The following MICU2 variants were observed in gnomAD, a reference collection of about 807,000 sequenced individuals.
MICU2 encodes the protein mitochondrial calcium uptake 2.
MICU2 carries 64 observed loss-of-function variants against 60.4 expected under a neutral mutation model. That is an observed-to-expected ratio of 1.06 (90% CI 0.87 to 1.31). The LOEUF (loss-of-function observed/expected upper bound fraction) is 1.31, where lower values mean the gene tolerates loss of function less well. Among genes scored for constraint, MICU2 ranks in the 50% most tolerant of loss-of-function variants. The pLI is 0.00. For missense variants in MICU2, 569 were observed against 531.0 expected (o/e 1.07, Z -0.70); for synonymous variants, 201 against 175.0 (o/e 1.15, Z -1.17).
chr13:21,515,015 GTCCTT>G (rs1464875268), intron 6 of MICU2, among the ~76,000 whole-genome samples: 11 of 151,832 alleles, frequency 7.2e-5, no homozygotes, highest in African/African-American at 2.7e-4. Context: ...AGATTATGCT[GTCCTT>G]TCAAGATAAT....
intron 2 of MICU2, among the ~76,000 whole-genome samples, chr13:21,542,443 G>C (rs908292581): frequency 1.3e-5 from 2 of 152,056 alleles, no homozygotes; most frequent in Admixed American, 1.3e-4. Flanking sequence ...ATGTAGGGTA[G>C]GGGGACACTC....
At chr13:21,593,697 G>C (rs1307943168) in intron 1 of MICU2, among the ~76,000 whole-genome samples, 1 of 151,716 alleles carries the variant, frequency 6.6e-6, no homozygotes, top group Non-Finnish European at 1.5e-5. Flanking sequence ...TAGACCAATG[G>C]AGCAGAACAG....
At chr13:21,515,083 TA>T (rs1207779613) in intron 6 of MICU2, among the ~76,000 whole-genome samples, 3 of 62,604 alleles carry the variant, frequency 4.8e-5, no homozygotes, top group African/African-American at 1.5e-4. Context: ...TTCAAGTATA[TA>T]GTTTTTTTTT....
intron 1 of MICU2, among the ~76,000 whole-genome samples, chr13:21,574,334 A>C (rs1455424596): frequency 6.6e-6 from 1 of 152,224 alleles, no homozygotes; most frequent in East Asian, 1.9e-4. Context: ...TATACTGAAC[A>C]CATGAGAACC....
At chr13:21,580,964 C>T (rs1042149579) in intron 1 of MICU2, among the ~76,000 whole-genome samples, 1 of 152,038 alleles carries the variant, frequency 6.6e-6, no homozygotes, top group African/African-American at 2.4e-5. Context: ...AGAGAATGTA[C>T]AGAGTCAGAA....
At position 21,572,358 on chromosome 13, in the gene MICU2, T is replaced by C. The variant is rs77076428; in HGVS notation, c.211-5414A>G. Among the ~76,000 whole-genome samples, 853 of 152,324 alleles carry C rather than the reference T, an allele frequency of 5.6e-3. 3 individuals are homozygous for C. Among genetic ancestry groups the C allele is most frequent in the Non-Finnish European group, 9.1e-3 (616 of 68,024 alleles). On this transcript the variant is annotated intron_variant, in intron 1 of 11. Transcript: ENST00000382374. Reference sequence around the variant, plus strand: ...CATTTCCTTAAAATGAGGGAGGGCATGTAGGAAGAGGGGCAGGTAGGGGTA... The same window carrying C: ...CATTTCCTTAAAATGAGGGAGGGCACGTAGGAAGAGGGGCAGGTAGGGGTA...
intron 6 of MICU2, among the ~76,000 whole-genome samples, chr13:21,516,388 G>A (rs921955071): frequency 2.6e-5 from 4 of 152,126 alleles, no homozygotes; most frequent in Non-Finnish European, 5.9e-5. Flanking sequence ...CATGTTGTTT[G>A]CCTGTCAGTA....
chr13:21,590,359 G>A (rs1473181528), intron 1 of MICU2, among the ~76,000 whole-genome samples: 1 of 152,170 alleles, frequency 6.6e-6, no homozygotes, highest in East Asian at 1.9e-4. Context: ...CATAAGCGAA[G>A]GAGAAATAAA....
intron 6 of MICU2, 92 bp downstream of exon 6, chr13:21,521,153 G>T: frequency 3.0e-6 from 3 of 1,007,520 alleles, no homozygotes; most frequent in Non-Finnish European, 4.4e-6. Context: ...TGTAAACAAT[G>T]AATACAATTT....
intron 4 of MICU2, among the ~76,000 whole-genome samples, chr13:21,532,625 G>A (rs1219121308): frequency 6.6e-6 from 1 of 152,176 alleles, no homozygotes; most frequent in African/African-American, 2.4e-5. Flanking sequence ...GAAACAACTA[G>A]GATGGTGAGA....
chr13:21,582,809 C>T, intron 1 of MICU2: 1 of 153,862 alleles, frequency 6.5e-6, no homozygotes, highest in Non-Finnish European at 1.4e-5. Flanking sequence ...AAAGACACAG[C>T]AGCAGGGGCC....
chr13:21,550,840 T>C (rs192736624), intron 2 of MICU2, among the ~76,000 whole-genome samples: 1 of 152,216 alleles, frequency 6.6e-6, no homozygotes, highest in Admixed American at 6.5e-5. Flanking sequence ...TGAGGAAACC[T>C]AGACTAATAG....
At chr13:21,521,456 G>T in intron 5 of MICU2, 129 bp from the exon 6 acceptor site, 1 of 640,868 alleles carries the variant, frequency 1.6e-6, no homozygotes, top group South Asian at 2.4e-5. Context: ...GAAAAATAAT[G>T]ATTTCTTATA....
At position 21,493,290 on chromosome 13, in the gene MICU2, C is replaced by A; in HGVS notation, c.1264G>T (p.Val422Leu). ...KCVKKESIKG[V>L]KEVWKQAGKG... ...CCAGCTTGTTTCCAGACTTCTTTTA[C>A]TCCTTTAATGCTTTCTTTCTTCACA... The change falls in exon 12 of 12, where the codon GTA becomes TTA. Residue 422 changes from valine to leucine, a missense_variant. Physicochemically the swap from Val to Leu is conservative, Grantham distance 32 (BLOSUM62 1). Coordinates refer to ENST00000382374, the MANE Select transcript of MICU2 (RefSeq NM_152726.3). The A allele has an allele frequency of 3.1e-6, 5 of 1,610,616 alleles. No homozygotes were observed. Among genetic ancestry groups the A allele is most frequent in the Non-Finnish European group, 4.2e-6 (5 of 1,178,716 alleles).
intron 2 of MICU2, among the ~76,000 whole-genome samples, chr13:21,548,528 C>G (rs1887466998): frequency 6.6e-6 from 1 of 152,174 alleles, no homozygotes; most frequent in South Asian, 2.1e-4. Flanking sequence ...TTCTCACATT[C>G]TCTAATTTAA....
At chr13:21,550,996 A>G (rs1285429699) in intron 2 of MICU2, among the ~76,000 whole-genome samples, 1 of 152,188 alleles carries the variant, frequency 6.6e-6, no homozygotes, top group Non-Finnish European at 1.5e-5. Context: ...GTGGACTCCA[A>G]CTATCCTTTG....
intron 1 of MICU2, among the ~76,000 whole-genome samples, chr13:21,593,687 T>C (rs773895879): frequency 1.3e-5 from 2 of 149,264 alleles, no homozygotes; most frequent in Non-Finnish European, 3.0e-5. Flanking sequence ...AACAGACATA[T>C]AGACCAATGG....
intron 2 of MICU2, among the ~76,000 whole-genome samples, chr13:21,540,991 C>T (rs1887268557): frequency 6.6e-6 from 1 of 152,068 alleles, no homozygotes; most frequent in Non-Finnish European, 1.5e-5. Flanking sequence ...TAAAGTTACG[C>T]CACAAATAGT....
At chr13:21,546,680 C>T (rs925574199) in intron 2 of MICU2, among the ~76,000 whole-genome samples, 7 of 152,128 alleles carry the variant, frequency 4.6e-5, no homozygotes, top group African/African-American at 1.7e-4. Context: ...TGGCTCCTAT[C>T]TAATGATTTC....
Sources: gnomAD v4.1 joint callset for allele counts (sites outside exome capture counted in the v4.1 genomes callset) on GRCh38, gnomAD v4.1.1 for gene constraint, MANE v1.5 for transcripts, NCBI Gene and HGNC (gene_info 2026-07-23, HGNC 2026-07-21) for gene names.